Variants in ZNF333 observed in about 807,000 individuals in gnomAD.
ZNF333 encodes zinc finger protein 333.
ZNF333 carries 61 observed loss-of-function variants against 76.1 expected under a neutral mutation model. That is an observed-to-expected ratio of 0.80 (90% CI 0.65 to 0.99). The LOEUF (loss-of-function observed/expected upper bound fraction) is 0.99. Ranked by LOEUF, ZNF333 falls within the 50% of genes least tolerant of loss-of-function variation. ZNF333 has a pLI of 0.00. For synonymous variants in ZNF333, 284 were observed against 305.0 expected (o/e 0.93, Z 0.72); for missense variants, 717 against 822.4 (o/e 0.87, Z 1.57).
At chr19:14,717,596 A>G in intron 10 of ZNF333, 61 bp from the exon 11 acceptor site, 1 of 1,467,022 alleles carries the variant, frequency 6.8e-7, no homozygotes, top group Non-Finnish European at 9.5e-7. Flanking sequence ...TTTTGAGGTG[A>G]CCTTGATCCC....
chr19:14,714,619 T>G, intron 7 of ZNF333: 1 of 151,888 alleles, frequency 6.6e-6, no homozygotes. Flanking sequence ...ACATGTGGGG[T>G]CAGGGATTGG....
chr19:14,704,966 C>A (rs1442531620), intron 5 of ZNF333, 88 bp from the exon 6 acceptor site: 3 of 1,308,352 alleles, frequency 2.3e-6, no homozygotes, highest in African/African-American at 1.5e-5. Flanking sequence ...CTTCTGGCAG[C>A]CCTAAGCCCC....
exon 12 of ZNF333, chr19:14,732,671 T>A (rs1001001939): frequency 6.6e-6 from 1 of 152,222 alleles, no homozygotes; most frequent in Non-Finnish European, 1.5e-5. Flanking sequence ...GAATGATATT[T>A]TGTGTCACAT....
chr19:14,701,462 CA>C, intron 5 of ZNF333: 1 of 539,604 alleles, frequency 1.9e-6, no homozygotes, highest in South Asian at 8.1e-5. Flanking sequence ...GCTCCCATTG[CA>C]GGGCATTCTG....
intron 5 of ZNF333, among the ~76,000 whole-genome samples, chr19:14,702,212 G>C (rs984465001): frequency 6.6e-6 from 1 of 152,136 alleles, no homozygotes; most frequent in African/African-American, 2.4e-5. Flanking sequence ...GTGGGAAACT[G>C]CTCTTAGAAG....
At chr19:14,691,480 A>T (rs1435975375) in intron 1 of ZNF333, among the ~76,000 whole-genome samples, 1 of 152,218 alleles carries the variant, frequency 6.6e-6, no homozygotes, top group African/African-American at 2.4e-5. Context: ...AATTAACTCC[A>T]GAGGAAAATC....
chr19:14,705,658 C>G (rs2042087958), intron 6 of ZNF333, among the ~76,000 whole-genome samples: 1 of 152,220 alleles, frequency 6.6e-6, no homozygotes, highest in Non-Finnish European at 1.5e-5. Context: ...CCAGTACTAG[C>G]CCCTAGCTTG....
chr19:14,706,093 G>A (rs1489408101), intron 6 of ZNF333: 1 of 457,428 alleles, frequency 2.2e-6, no homozygotes, highest in African/African-American at 2.0e-5. Context: ...ACCTCCAGCT[G>A]CCTCTCCTGT....
chr19:14,699,519 G>A, intron 5 of ZNF333: 4 of 391,584 alleles, frequency 1.0e-5, no homozygotes, highest in Admixed American at 4.1e-5. Flanking sequence ...GGAGTGCAGT[G>A]GCATGATCTC....
chr19:14,715,339 T>C, intron 7 of ZNF333, 43 bp from the exon 8 acceptor site: 1 of 1,585,760 alleles, frequency 6.3e-7, no homozygotes, highest in Non-Finnish European at 8.6e-7. Context: ...GTGTGCCCAG[T>C]AGGCCAGGCA....
At chr19:14,722,102 G>A (rs925947350), downstream of ZNF333, among the ~76,000 whole-genome samples, 11 of 152,170 alleles carry the variant, frequency 7.2e-5, no homozygotes, top group Admixed American at 3.3e-4. Context: ...GTACTGTCAC[G>A]CAAATTAATT....
chr19:14,697,645 G>A (rs557012993), intron 4 of ZNF333, among the ~76,000 whole-genome samples: 59 of 152,160 alleles, frequency 3.9e-4, no homozygotes, highest in African/African-American at 1.1e-3. Flanking sequence ...ACAGGCGTGC[G>A]CCACCGTGCC....
Position 14,718,261 on chromosome 19 carries a change from TATA to T in ZNF333, c.937_939del (p.Asn313del). ...TCAGCCTGGAGAAAAACTCTATAAA[TATA>T]ATGAACTTGAGAAACCTTTTAACAG... is the stretch of plus-strand genomic sequence containing the variant. On this transcript the variant is annotated inframe_deletion, in exon 12 of 12. Transcript: ENST00000292530. 6 of 1,613,176 alleles carry T rather than the reference TATA, an allele frequency of 3.7e-6. No individual in the cohort carries two copies. The highest frequency in any genetic ancestry group is 5.1e-6 in the Non-Finnish European group (6 of 1,179,672).
intron 9 of ZNF333, among the ~76,000 whole-genome samples, 184 bp from the exon 10 acceptor site, chr19:14,716,810 G>A (rs1568552907): frequency 1.3e-5 from 2 of 152,198 alleles, no homozygotes; most frequent in Non-Finnish European, 2.9e-5. Context: ...AGTGTCCTCT[G>A]AGACCTAGTG....
chr19:14,718,898 A>C lies in ZNF333; in HGVS notation c.1571A>C (p.His524Pro). The C allele has an allele frequency of 6.2e-7, 1 of 1,614,230 alleles. No homozygotes were observed. The highest frequency in any genetic ancestry group is 1.1e-5 in the South Asian group (1 of 91,082). The change falls in exon 12 of 12, where the codon CAC becomes CCC. Residue 524 changes from histidine (H) to proline (P), a missense_variant. Physicochemically the swap from His to Pro is moderately conservative, Grantham distance 77. Coordinates refer to ENST00000292530, the MANE Select transcript of ZNF333 (RefSeq NM_032433.4). ...PFRTSTHLNV[H>P]KRIHTGEKLY... is the part of the protein sequence containing the mutation. ...CGGACGAGCACTCATCTGAACGTGC[A>C]CAAGAGGATACACACAGGGGAGAAA...
At chr19:14,713,802 AAAAAAAAAATTAACAGGGT>A (rs2042345861) in intron 7 of ZNF333, among the ~76,000 whole-genome samples, 1 of 150,428 alleles carries the variant, frequency 6.6e-6, no homozygotes, top group Admixed American at 6.6e-5. Flanking sequence ...CTAAAAAAAT[AAAAAAAAAATTAACAGGGT>A]GTGGTGGTGC....
intron 11 of ZNF333, among the ~76,000 whole-genome samples, chr19:14,728,992 C>T (rs1050945528): frequency 2.1e-4 from 32 of 152,064 alleles, no homozygotes; most frequent in African/African-American, 7.2e-4. Context: ...GGGAAGGGGA[C>T]GTGAGTTACA....
intron 7 of ZNF333, 121 bp downstream of exon 7, chr19:14,706,894 T>C (rs1312773871): frequency 2.6e-6 from 2 of 765,536 alleles, no homozygotes; most frequent in African/African-American, 1.8e-5. Context: ...CGTGGCACCA[T>C]AGAGAGGATA....
At chr19:14,707,549 C>CTTTTTT (rs751633025) in intron 7 of ZNF333, among the ~76,000 whole-genome samples, 15 of 115,688 alleles carry the variant, frequency 1.3e-4, no homozygotes, top group East Asian at 2.6e-4. Flanking sequence ...AGCTTTGTTT[C>CTTTTTT]TTTTTTTTTT....
Sources: gnomAD v4.1 joint callset for allele counts (sites outside exome capture counted in the v4.1 genomes callset) on GRCh38, gnomAD v4.1.1 for gene constraint, MANE v1.5 for transcripts, NCBI Gene and HGNC (gene_info 2026-07-23, HGNC 2026-07-21) for gene names.